CLNK: variants seen among roughly 807,000 people sequenced by gnomAD.
CLNK encodes cytokine dependent hematopoietic cell linker, also known as cytokine-dependent hematopoietic cell linker.
A neutral mutation model predicts 68.6 loss-of-function variants in CLNK; 74 were observed. The observed-to-expected ratio is 1.08, with a 90% confidence interval of 0.89 to 1.31. CLNK has a LOEUF of 1.31. Among genes scored for constraint, CLNK ranks in the 50% most tolerant of loss-of-function variants. CLNK has a pLI of 0.00. For missense variants in CLNK, 553 were observed against 515.3 expected, an observed-to-expected ratio of 1.07 and a Z score of -0.71; for synonymous variants, 198 against 172.2, an observed-to-expected ratio of 1.15 and a Z score of -1.17.
the CLNK span, among the ~76,000 whole-genome samples, chr4:10,691,741 G>T: frequency 1.3e-5 from 2 of 152,144 alleles, no homozygotes; most frequent in African/African-American, 4.8e-5. Flanking sequence ...CTCCAAATTG[G>T]CAGGACAAAG....
intron 1 of CLNK, among the ~76,000 whole-genome samples, chr4:10,669,244 T>C (rs998766956): frequency 6.6e-6 from 1 of 152,232 alleles, no homozygotes; most frequent in African/African-American, 2.4e-5. Flanking sequence ...CTTCTAAAAC[T>C]AAGTATAGTA....
At chr4:10,624,079 A>G (rs981426475) in intron 2 of CLNK, among the ~76,000 whole-genome samples, 1 of 152,162 alleles carries the variant, frequency 6.6e-6, no homozygotes, top group Non-Finnish European at 1.5e-5. Flanking sequence ...CAGTTTCCCC[A>G]TCTCTAGGTG....
chr4:10,695,660 G>A, the CLNK span, among the ~76,000 whole-genome samples: 5 of 152,334 alleles, frequency 3.3e-5, no homozygotes, highest in South Asian at 1.0e-3. Flanking sequence ...CTTGGAGTTT[G>A]CTTCCATATC....
At chr4:10,574,931 A>G (rs576284676) in intron 4 of CLNK, among the ~76,000 whole-genome samples, 1 of 152,178 alleles carries the variant, frequency 6.6e-6, no homozygotes, top group South Asian at 2.1e-4. Context: ...GGACCCCCTT[A>G]GAGTTGTAAG....
chr4:10,569,283 G>A (rs1160384525), intron 5 of CLNK, among the ~76,000 whole-genome samples: 1 of 151,402 alleles, frequency 6.6e-6, no homozygotes, highest in African/African-American at 2.4e-5. Context: ...TTTGAGGGTG[G>A]GGTTCTTATC....
At chr4:10,598,440 G>A (rs1339834219) in intron 2 of CLNK, among the ~76,000 whole-genome samples, 1 of 152,194 alleles carries the variant, frequency 6.6e-6, no homozygotes, top group African/African-American at 2.4e-5. Flanking sequence ...ATGAGAGGCT[G>A]TTAAGAAATT....
intron 18 of CLNK, among the ~76,000 whole-genome samples, chr4:10,492,930 G>C (rs564098039): frequency 1.3e-5 from 2 of 152,292 alleles, no homozygotes; most frequent in African/African-American, 4.8e-5. Flanking sequence ...GGTTCAATCT[G>C]TAAGTCCCTT....
intron 2 of CLNK, among the ~76,000 whole-genome samples, chr4:10,620,835 G>C (rs1020356558): frequency 3.9e-5 from 6 of 152,104 alleles, no homozygotes; most frequent in Admixed American, 1.3e-4. Flanking sequence ...GGGCGCGGTG[G>C]CTCACACCTG....
the CLNK span, among the ~76,000 whole-genome samples, chr4:10,721,649 TAA>T: frequency 1.3e-5 from 2 of 152,262 alleles, no homozygotes; most frequent in African/African-American, 4.8e-5. Flanking sequence ...CATTCATTTA[TAA>T]ACTTATTAAT....
rs1380489431 is a variant in CLNK at position 10,487,972 on chromosome 4, A to G, written c.*2495T>C. ...TGTCCTGGTGTCTGAGTTCTAGAAAACCCGACACCCAATCCCTCAAACCCC... is the reference window on the plus strand; with the variant it reads ...TGTCCTGGTGTCTGAGTTCTAGAAAGCCCGACACCCAATCCCTCAAACCCC... On this transcript the variant is annotated 3_prime_UTR_variant, in exon 19 of 19. Coordinates refer to ENST00000226951, the MANE Select transcript of CLNK (RefSeq NM_052964.4). The G allele has an allele frequency of 1.3e-5, 2 of 151,872 alleles. No homozygotes were observed. The highest frequency in any genetic ancestry group is 1.3e-4 in the Admixed American group (2 of 15,234). 9.4% of individuals were successfully genotyped at this position (151,872 alleles called of 1,614,324 possible).
rs1429943574 is a variant in CLNK, at chr4:10,597,970, A to T, written c.83+8T>A. 1.9e-6 allele frequency: 3 copies of T among 1,557,124 alleles called. No homozygotes were observed. The highest frequency in any genetic ancestry group is 1.7e-6 in the Non-Finnish European group (2 of 1,144,978). Reference sequence around the variant, plus strand: ...CTCCTCTATTAATAAACAAGTAAATATTCTGACCTGTTTTTTGGCAGACTG... The same window carrying T: ...CTCCTCTATTAATAAACAAGTAAATTTTCTGACCTGTTTTTTGGCAGACTG... On this transcript the variant is annotated splice_region_variant and intron_variant, in intron 3 of 18. Coordinates refer to ENST00000226951, the MANE Select transcript of CLNK (RefSeq NM_052964.4).
chr4:10,732,274 C>A, the CLNK span, among the ~76,000 whole-genome samples: 1 of 152,152 alleles, frequency 6.6e-6, no homozygotes, highest in Non-Finnish European at 1.5e-5. Flanking sequence ...CTCATTTAAG[C>A]TACATCTGGC....
At chr4:10,724,512 A>C in the CLNK span, among the ~76,000 whole-genome samples, 10 of 151,262 alleles carry the variant, frequency 6.6e-5, no homozygotes, top group Non-Finnish European at 1.0e-4. Flanking sequence ...ATTATAATGT[A>C]AGTCCAGTGA....
chr4:10,667,070 G>A lies in CLNK; in HGVS notation c.11+789C>T, dbSNP rs182244846. Among the ~76,000 whole-genome samples, 129 of 152,198 alleles carry A rather than the reference G, an allele frequency of 8.5e-4. 1 individual carries two copies. The highest frequency in any genetic ancestry group is 2.4e-4 in the Non-Finnish European group (16 of 67,994). ...AGATTCTGCTTTTCAAAGGGTTAAG[G>A]AACTTCTTGCATATCCAGAGGGTAA... On this transcript the variant is annotated intron_variant, in intron 2 of 18. Transcript: ENST00000226951.
chr4:10,540,685 C>T (rs1718978247), intron 10 of CLNK, 81 bp from the exon 11 acceptor site: 3 of 903,486 alleles, frequency 3.3e-6, no homozygotes, highest in Non-Finnish European at 3.6e-6. Context: ...CACTGCTCTG[C>T]CCTCCGTGTC....
At chr4:10,645,776 A>G (rs1212098938) in intron 2 of CLNK, among the ~76,000 whole-genome samples, 2 of 152,190 alleles carry the variant, frequency 1.3e-5, no homozygotes, top group African/African-American at 4.8e-5. Context: ...AGAGTACAGT[A>G]GGGAAATTAG....
intron 2 of CLNK, among the ~76,000 whole-genome samples, chr4:10,611,827 C>T (rs995138539): frequency 6.6e-5 from 10 of 152,116 alleles, no homozygotes; most frequent in African/African-American, 2.2e-4. Context: ...CACTGTGTTG[C>T]AGCCAGGATC....
chr4:10,697,815 C>T, the CLNK span, among the ~76,000 whole-genome samples: 8 of 152,318 alleles, frequency 5.3e-5, no homozygotes, highest in East Asian at 1.5e-3. Flanking sequence ...TTGATCTACT[C>T]ATTCGAACAA....
the CLNK span, among the ~76,000 whole-genome samples, chr4:10,719,887 A>C: frequency 6.6e-6 from 1 of 152,204 alleles, no homozygotes; most frequent in Non-Finnish European, 1.5e-5. Context: ...TCAAACTGGA[A>C]ATCAGTAACA....
Sources: gnomAD v4.1 joint callset for allele counts (sites outside exome capture counted in the v4.1 genomes callset) on GRCh38, gnomAD v4.1.1 for gene constraint, MANE v1.5 for transcripts, NCBI Gene and HGNC (gene_info 2026-07-23, HGNC 2026-07-21) for gene names.